Variants in COX7A2 observed in about 807,000 individuals in gnomAD.
COX7A2 encodes cytochrome c oxidase subunit 7A2, also known as cytochrome c oxidase subunit 7A2, mitochondrial.
COX7A2 carries 11 observed loss-of-function variants against 11.6 expected under a neutral mutation model. That is an observed-to-expected ratio of 0.95 (90% CI 0.60 to 1.57). The LOEUF (loss-of-function observed/expected upper bound fraction) is 1.57. Among genes scored for constraint, COX7A2 ranks in the 40% most tolerant of loss-of-function variants. The pLI, the probability that COX7A2 is intolerant of heterozygous loss-of-function variation, is 0.00. For synonymous variants in COX7A2, 30 were observed against 38.2 expected (o/e 0.78, Z 0.79); for missense variants, 106 against 100.9 (o/e 1.05, Z -0.22).
chr6:75,250,264 A>T (rs1322338007), exon 1 of COX7A2: 1 of 152,258 alleles, frequency 6.6e-6, no homozygotes, highest in African/African-American at 2.4e-5. Context: ...ACAGATGTCA[A>T]GGCACAAGAA....
chr6:75,241,295 A>C, intron 1 of COX7A2, 30 bp from the exon 2 acceptor site: 1 of 1,471,148 alleles, frequency 6.8e-7, no homozygotes. Flanking sequence ...AAATAGACTT[A>C]GAGCCTAAAG....
chr6:75,246,645 C>T (rs759096680), upstream of COX7A2, among the ~76,000 whole-genome samples: 1 of 152,160 alleles, frequency 6.6e-6, no homozygotes, highest in Non-Finnish European at 1.5e-5. Flanking sequence ...GCTCAATATA[C>T]ATTGGTTAAA....
chr6:75,244,003 A>C (rs1771619138), upstream of COX7A2: 4 of 566,286 alleles, frequency 7.1e-6, no homozygotes, highest in Non-Finnish European at 1.3e-5. Context: ...CCCTGGAGCT[A>C]AGGCTGGGGA....
At chr6:75,243,386 C>A (rs1771582127) in intron 1 of COX7A2, among the ~76,000 whole-genome samples, 2 of 152,254 alleles carry the variant, frequency 1.3e-5, no homozygotes, top group South Asian at 4.1e-4. Context: ...ACACTCCCCA[C>A]CTGGGTCTTG....
At chr6:75,247,162 T>C (rs1466656858), upstream of COX7A2, among the ~76,000 whole-genome samples, 2 of 152,168 alleles carry the variant, frequency 1.3e-5, no homozygotes, top group African/African-American at 2.4e-5. Flanking sequence ...AGTGAAAATA[T>C]CTCATAATTA....
In COX7A2 at chr6:75,243,716, C is replaced by A; in HGVS notation, c.18+1G>T. Reference sequence around the variant, plus strand: ...TGAATGCAAGATGAGAAGCTCCTCACCAGCAGATTCCGCAGCATCTTGGCT... The same window carrying A: ...TGAATGCAAGATGAGAAGCTCCTCAACAGCAGATTCCGCAGCATCTTGGCT... On this transcript the variant is annotated splice_donor_variant, in intron 1 of 3. Coordinates refer to ENST00000684430, the MANE Select transcript of COX7A2 (RefSeq NM_001366293.2). LOFTEE classifies it high-confidence loss of function. 1 of 1,613,518 alleles carries A rather than the reference C, an allele frequency of 6.2e-7. No individual in the cohort carries two copies. The highest frequency in any genetic ancestry group is 8.5e-7 in the Non-Finnish European group (1 of 1,179,532).
In COX7A2 at chr6:75,243,702, T is replaced by A. The variant is rs984660155; in HGVS notation, c.18+15A>T. On this transcript the variant is annotated intron_variant, in intron 1 of 3. Transcript: ENST00000684430. ...CCTCGCCCCCATCATGAATGCAAGA[T>A]GAGAAGCTCCTCACCAGCAGATTCC... 1 of 1,612,024 alleles carries A rather than the reference T, an allele frequency of 6.2e-7. No homozygotes were observed. Among genetic ancestry groups the A allele is most frequent in the Non-Finnish European group, 8.5e-7 (1 of 1,178,486 alleles).
upstream of COX7A2, chr6:75,243,960 G>T: frequency 3.9e-6 from 3 of 760,550 alleles, no homozygotes; most frequent in South Asian, 3.5e-5. Context: ...CCGTGATCTC[G>T]TTCCTGACCT....
chr6:75,247,218 T>C (rs1376340253), upstream of COX7A2, among the ~76,000 whole-genome samples: 2 of 143,760 alleles, frequency 1.4e-5, no homozygotes, highest in African/African-American at 6.0e-5. Flanking sequence ...TTTTTTTTCC[T>C]TTTTTTCCTT....
At chr6:75,243,950 C>G (rs1771616818), upstream of COX7A2, 2 of 843,800 alleles carry the variant, frequency 2.4e-6, no homozygotes, top group African/African-American at 3.4e-5. Flanking sequence ...CGTCTCAGTC[C>G]CGTGATCTCG....
intron 1 of COX7A2, among the ~76,000 whole-genome samples, chr6:75,243,334 T>A (rs1284855247): frequency 6.6e-6 from 1 of 152,130 alleles, no homozygotes; most frequent in African/African-American, 2.4e-5. Context: ...AACCTTTCAG[T>A]ACCAGAAAAA....
At chr6:75,247,124 A>G (rs554190251), upstream of COX7A2, among the ~76,000 whole-genome samples, 23 of 152,358 alleles carry the variant, frequency 1.5e-4, no homozygotes, top group South Asian at 2.7e-3. Context: ...TCTCGTCAGT[A>G]AGATGGACAT....
At chr6:75,239,382 G>A (rs1272150168) in intron 3 of COX7A2, among the ~76,000 whole-genome samples, 2 of 152,196 alleles carry the variant, frequency 1.3e-5, no homozygotes, top group African/African-American at 4.8e-5. Flanking sequence ...GATCTTCCAT[G>A]TTGATTGTTG....
chr6:75,240,198 C>A, intron 3 of COX7A2, 103 bp downstream of exon 3: 1 of 814,092 alleles, frequency 1.2e-6, no homozygotes, highest in Non-Finnish European at 2.0e-6. Context: ...ATTCTGGAGA[C>A]AAACTGCCTG....
upstream of COX7A2, among the ~76,000 whole-genome samples, chr6:75,246,225 G>A (rs1011567738): frequency 6.6e-6 from 1 of 152,102 alleles, no homozygotes; most frequent in South Asian, 2.1e-4. Context: ...TGGCTAATGC[G>A]CATCTCAAAC....
chr6:75,245,490 C>CA (rs11446150), upstream of COX7A2, among the ~76,000 whole-genome samples: 115,790 of 132,520 alleles, frequency 0.87, 50,796 homozygotes, highest in East Asian at 0.94. Context: ...GACTTCATAT[C>CA]AAAAAAAAAA....
chr6:75,244,902 T>C (rs991696461), upstream of COX7A2, among the ~76,000 whole-genome samples: 1 of 152,144 alleles, frequency 6.6e-6, no homozygotes, highest in Non-Finnish European at 1.5e-5. Flanking sequence ...TGAAAGGACC[T>C]GGTTTTCTAC....
At chr6:75,245,431 C>T (rs568646726), upstream of COX7A2, among the ~76,000 whole-genome samples, 163 of 147,552 alleles carry the variant, frequency 1.1e-3, 5 homozygotes, top group South Asian at 0.026. Context: ...GTGGAGCTTG[C>T]AGTGAGCCAA....
upstream of COX7A2, among the ~76,000 whole-genome samples, chr6:75,246,917 G>A (rs1160711786): frequency 6.6e-6 from 1 of 152,202 alleles, no homozygotes; most frequent in Non-Finnish European, 1.5e-5. Flanking sequence ...TGAACCAGAA[G>A]TTACTTTCAA....
Sources: allele counts gnomAD v4.1 joint callset (sites outside exome capture counted in the v4.1 genomes callset), GRCh38; gene constraint gnomAD v4.1.1; transcripts MANE v1.5; gene names NCBI Gene and HGNC (gene_info 2026-07-23, HGNC 2026-07-21).